HTR2C: variants seen among roughly 807,000 people sequenced by gnomAD.
HTR2C encodes the protein 5-hydroxytryptamine receptor 2C, also known as 5-hydroxytryptamine (serotonin) receptor 2C, G protein-coupled.
A neutral mutation model predicts 21.0 loss-of-function variants in HTR2C; 5 were observed. The observed-to-expected ratio is 0.24, with a 90% CI of 0.12 to 0.50. The LOEUF is 0.50. HTR2C is among the 20% of genes least tolerant of loss of function. HTR2C has a pLI of 0.98. For missense variants in HTR2C, 271 were observed against 371.2 expected (o/e 0.73, Z 2.22); for synonymous variants, 150 against 145.3 (o/e 1.03, Z -0.23).
At chrX:114,866,642 C>G (rs2071048551) in intron 5 of HTR2C, among the ~76,000 whole-genome samples, 1 of 109,952 alleles carries the variant, frequency 9.1e-6, no homozygotes, top group African/African-American at 3.3e-5. Flanking sequence ...ATCTCTCCCC[C>G]CACAACCACC....
chrX:114,780,626 C>T (rs1042081641), intron 4 of HTR2C, among the ~76,000 whole-genome samples: 2 of 111,283 alleles, frequency 1.8e-5, no homozygotes, highest in Admixed American at 1.9e-4. Context: ...AACCACAAGC[C>T]AGAACTCACA....
intron 4 of HTR2C, among the ~76,000 whole-genome samples, chrX:114,796,696 A>G (rs1353513717): frequency 9.0e-6 from 1 of 111,139 alleles, no homozygotes; most frequent in African/African-American, 3.3e-5. Context: ...GCTCCTTGTG[A>G]TGTCAAAGGG....
intron 4 of HTR2C, among the ~76,000 whole-genome samples, chrX:114,806,408 CCATATATATA>C (rs2070437860): frequency 1.7e-5 from 1 of 58,375 alleles, no homozygotes; most frequent in East Asian, 5.6e-4. Flanking sequence ...TATATATACA[CCATATATATA>C]TACTGTATAT....
At chrX:114,870,008 AT>A (rs1361565910) in intron 5 of HTR2C, among the ~76,000 whole-genome samples, 3 of 111,795 alleles carry the variant, frequency 2.7e-5, no homozygotes, top group African/African-American at 9.7e-5. Context: ...CCTGGGATGA[AT>A]CCCATTTGGT....
intron 4 of HTR2C, among the ~76,000 whole-genome samples, chrX:114,765,094 T>G (rs1556434355): frequency 9.3e-6 from 1 of 107,159 alleles, no homozygotes; most frequent in Non-Finnish European, 1.9e-5. Flanking sequence ...CCAGGCTAGT[T>G]GTGAACTCCT....
At chrX:114,776,681 T>A in intron 4 of HTR2C, 2 of 484,145 alleles carry the variant, frequency 4.1e-6, no homozygotes, top group Non-Finnish European at 7.8e-6. Flanking sequence ...GTTTCCCTGA[T>A]CATTGGTAAT....
intron 1 of HTR2C, among the ~76,000 whole-genome samples, chrX:114,610,674 T>G (rs1928687026): frequency 9.0e-6 from 1 of 111,440 alleles, no homozygotes; most frequent in South Asian, 3.7e-4. Flanking sequence ...CTATCTAGAG[T>G]CACTCGCCTA....
chrX:114,703,089 A>G (rs1459915256), intron 2 of HTR2C, among the ~76,000 whole-genome samples: 1 of 104,682 alleles, frequency 9.6e-6, no homozygotes, highest in Non-Finnish European at 2.0e-5. Flanking sequence ...AAAGAGACTT[A>G]GACTCCCACA....
At chrX:114,772,307 T>C (rs2070012181) in intron 4 of HTR2C, among the ~76,000 whole-genome samples, 1 of 112,115 alleles carries the variant, frequency 8.9e-6, no homozygotes, top group African/African-American at 3.2e-5. Context: ...CTGCATAAAG[T>C]TAAAATGATT....
intron 1 of HTR2C, among the ~76,000 whole-genome samples, chrX:114,606,901 G>A (rs782597439): frequency 1.8e-5 from 2 of 110,275 alleles, no homozygotes; most frequent in South Asian, 7.9e-4. Flanking sequence ...AGTCAGTGAA[G>A]GGAGATGAGG....
intron 5 of HTR2C, among the ~76,000 whole-genome samples, chrX:114,897,472 T>A (rs1556484341): frequency 9.0e-6 from 1 of 110,969 alleles, no homozygotes; most frequent in Non-Finnish European, 1.9e-5. Flanking sequence ...TAGGTAAATG[T>A]GTCCCATGGT....
At chrX:114,891,381 C>A (rs974423181) in intron 5 of HTR2C, among the ~76,000 whole-genome samples, 1 of 110,033 alleles carries the variant, frequency 9.1e-6, no homozygotes, top group Non-Finnish European at 1.9e-5. Flanking sequence ...TACATTGACA[C>A]TCTGGAGCTT....
intron 2 of HTR2C, among the ~76,000 whole-genome samples, chrX:114,725,421 A>G (rs1569488044): frequency 9.1e-6 from 1 of 109,758 alleles, no homozygotes; most frequent in African/African-American, 3.3e-5. Flanking sequence ...ATTCTTCTAA[A>G]TTTTTTTCAA....
chrX:114,759,417 G>A (rs1556431554), intron 4 of HTR2C, among the ~76,000 whole-genome samples: 1 of 111,142 alleles, frequency 9.0e-6, no homozygotes, highest in Non-Finnish European at 1.9e-5. Context: ...GTAACACATT[G>A]TAAGGTTTAG....
intron 2 of HTR2C, among the ~76,000 whole-genome samples, chrX:114,712,291 A>C: frequency 8.9e-6 from 1 of 111,917 alleles, no homozygotes; most frequent in Non-Finnish European, 1.9e-5. Flanking sequence ...CCTGAAAGGC[A>C]AAGGTGTCAC....
At chrX:114,899,396 CT>C (rs2071320439) in intron 5 of HTR2C, among the ~76,000 whole-genome samples, 1 of 111,036 alleles carries the variant, frequency 9.0e-6, no homozygotes, top group African/African-American at 3.3e-5. Context: ...TTGCAGACAC[CT>C]TTGTTGGGGA....
intron 2 of HTR2C, among the ~76,000 whole-genome samples, chrX:114,666,524 A>G (rs868917436): frequency 8.9e-6 from 1 of 111,788 alleles, no homozygotes; most frequent in South Asian, 3.7e-4. Flanking sequence ...ATTATGTACA[A>G]TGAATAGAGA....
At chrX:114,807,421 A>G (rs2070483833) in intron 4 of HTR2C, among the ~76,000 whole-genome samples, 1 of 93,861 alleles carries the variant, frequency 1.1e-5, no homozygotes, top group East Asian at 3.5e-4. Context: ...CCATATCTAT[A>G]CCATATATAT....
At chrX:114,873,087 T>C (rs782204480) in intron 5 of HTR2C, among the ~76,000 whole-genome samples, 1 of 112,026 alleles carries the variant, frequency 8.9e-6, no homozygotes, top group East Asian at 2.8e-4. Context: ...TATGATGTTT[T>C]ACTTTAATCT....
Sources: gnomAD v4.1 joint callset for allele counts (sites outside exome capture counted in the v4.1 genomes callset) on GRCh38, gnomAD v4.1.1 for gene constraint, MANE v1.5 for transcripts, NCBI Gene and HGNC (gene_info 2026-07-23, HGNC 2026-07-21) for gene names.